The following KLHL5 variants were observed in gnomAD, a reference collection of about 807,000 sequenced individuals.
The protein encoded by KLHL5 is kelch-like protein 5.
Under a neutral mutation model 77.7 loss-of-function variants are expected in KLHL5, and 48 were observed. That is an observed-to-expected ratio of 0.62 (90% CI 0.49 to 0.79). KLHL5 has a LOEUF of 0.79. Ranked by LOEUF, KLHL5 falls within the 30% of genes least tolerant of loss-of-function variation. The pLI, the probability that KLHL5 is intolerant of heterozygous loss-of-function variation, is 0.00. For missense variants in KLHL5, 723 were observed against 859.7 expected (o/e 0.84, Z 1.99); for synonymous variants, 260 against 297.0 (o/e 0.88, Z 1.28).
intron 1 of KLHL5, among the ~76,000 whole-genome samples, chr4:39,073,445 G>T (rs982986366): frequency 2.6e-5 from 4 of 152,134 alleles, no homozygotes; most frequent in Non-Finnish European, 5.9e-5. Flanking sequence ...TGAAGTACAA[G>T]AAATGTGATA....
intron 6 of KLHL5, among the ~76,000 whole-genome samples, chr4:39,101,145 T>TA (rs1454000304): frequency 1.3e-5 from 2 of 148,284 alleles, no homozygotes; most frequent in Non-Finnish European, 3.0e-5. Context: ...TATATATATA[T>TA]ATCTACCTGA....
chr4:39,082,338 C>T (rs1438055554), intron 4 of KLHL5, among the ~76,000 whole-genome samples, 179 bp downstream of exon 4: 3 of 152,158 alleles, frequency 2.0e-5, no homozygotes, highest in Admixed American at 6.6e-5. Flanking sequence ...AGTAATACTT[C>T]TCGTGGGTAT....
chr4:39,131,853 A>G (rs1723812253), downstream of KLHL5, among the ~76,000 whole-genome samples: 1 of 151,344 alleles, frequency 6.6e-6, no homozygotes, highest in African/African-American at 2.4e-5. Context: ...ACACCACTGC[A>G]GTGCAGCCTG....
At chr4:39,109,043 C>A (rs923003506) in intron 8 of KLHL5, among the ~76,000 whole-genome samples, 7 of 152,036 alleles carry the variant, frequency 4.6e-5, no homozygotes, top group African/African-American at 1.7e-4. Flanking sequence ...CAGAGACAAC[C>A]TAATTAATCA....
At chr4:39,077,177 G>A (rs1719137988) in intron 2 of KLHL5, among the ~76,000 whole-genome samples, 1 of 151,982 alleles carries the variant, frequency 6.6e-6, no homozygotes, top group Non-Finnish European at 1.5e-5. Context: ...AAACATATTT[G>A]GCCGGGCGCG....
intron 1 of KLHL5, chr4:39,063,550 C>T (rs1560408798): frequency 2.3e-6 from 1 of 440,564 alleles, no homozygotes; most frequent in Non-Finnish European, 4.6e-6. Flanking sequence ...GGTTATTTCT[C>T]TTTGTCCTGT....
At chr4:39,114,145 T>G (rs1722662919) in intron 9 of KLHL5, among the ~76,000 whole-genome samples, 1 of 152,178 alleles carries the variant, frequency 6.6e-6, no homozygotes, top group South Asian at 2.1e-4. Context: ...TAACAGAATA[T>G]CCAGGACTGA....
the KLHL5 span, among the ~76,000 whole-genome samples, chr4:39,140,119 TG>T: frequency 8.8e-3 from 1,334 of 151,176 alleles, 16 homozygotes; most frequent in African/African-American, 0.03. Flanking sequence ...CCCAGCTACT[TG>T]GGGGGGGCTG....
intron 5 of KLHL5, among the ~76,000 whole-genome samples, chr4:39,091,297 A>T (rs1269070195): frequency 1.3e-5 from 2 of 151,708 alleles, no homozygotes; most frequent in East Asian, 3.9e-4. Context: ...CCGGTTTTTT[A>T]AATTTTTTTG....
intron 6 of KLHL5, among the ~76,000 whole-genome samples, chr4:39,099,015 G>A (rs953302636): frequency 4.6e-5 from 7 of 152,264 alleles, no homozygotes; most frequent in African/African-American, 1.7e-4. Context: ...AATAGGCCAG[G>A]ATTATGCCTG....
At chr4:39,086,750 T>C in intron 5 of KLHL5, 23 bp downstream of exon 5, 1 of 1,557,074 alleles carries the variant, frequency 6.4e-7, no homozygotes, top group Non-Finnish European at 8.9e-7. Context: ...CACTTGTTTA[T>C]AGGAATTTTT....
chr4:39,140,735 T>C, the KLHL5 span, among the ~76,000 whole-genome samples: 1 of 152,216 alleles, frequency 6.6e-6, no homozygotes. Flanking sequence ...ACATCTGATC[T>C]CAGAATTGCC....
chr4:39,131,887 CAA>C, the KLHL5 span, among the ~76,000 whole-genome samples: 262 of 114,440 alleles, frequency 2.3e-3, 1 homozygote, highest in East Asian at 8.2e-3. Flanking sequence ...GACCCTGTCT[CAA>C]AAAAAAAAAA....
intron 1 of KLHL5, among the ~76,000 whole-genome samples, chr4:39,074,325 C>T (rs2566138): frequency 0.75 from 114,617 of 152,202 alleles, 43,167 homozygotes; most frequent in East Asian, 0.82. Context: ...AGTTAAGGCA[C>T]TGTTAACTTC....
At chr4:39,112,376 A>G (rs555264781) in intron 8 of KLHL5, among the ~76,000 whole-genome samples, 1 of 152,268 alleles carries the variant, frequency 6.6e-6, no homozygotes, top group Non-Finnish European at 1.5e-5. Context: ...CTATATTTTT[A>G]TTCTCCTATT....
chr4:39,077,672 A>C lies in KLHL5; in HGVS notation c.566+1525A>C, dbSNP rs533218492. On this transcript the variant is annotated intron_variant, in intron 2 of 10. Transcript: ENST00000504108. The stretch of plus-strand genomic sequence containing the variant: ...GCAAACACTACAGAAAACAGTGTGG[A>C]TATTCCTTAAAGAACTAAAGGTAAA... Among the ~76,000 whole-genome samples the C allele has an allele frequency of 2.7e-5, 4 of 148,100 alleles. No homozygotes were observed. In the East Asian group the frequency reaches 8.0e-4, roughly 30 times the overall value.
chr4:39,104,302 A>G (rs576907405), intron 7 of KLHL5, among the ~76,000 whole-genome samples: 1 of 152,340 alleles, frequency 6.6e-6, no homozygotes, highest in East Asian at 1.9e-4. Flanking sequence ...AATTTAACAC[A>G]GTAAACTTGT....
intron 4 of KLHL5, among the ~76,000 whole-genome samples, chr4:39,083,079 A>C (rs921698791): frequency 2.4e-4 from 36 of 152,174 alleles, no homozygotes; most frequent in African/African-American, 8.7e-4. Flanking sequence ...AACATTTAAG[A>C]AATGTTATTT....
chr4:39,058,585 C>T (rs951581590), upstream of KLHL5, among the ~76,000 whole-genome samples: 4 of 152,002 alleles, frequency 2.6e-5, no homozygotes, highest in Non-Finnish European at 4.4e-5. Flanking sequence ...CTACTGCACT[C>T]TAGCCTGTGT....
Sources: gnomAD v4.1 joint callset for allele counts (sites outside exome capture counted in the v4.1 genomes callset) on GRCh38, gnomAD v4.1.1 for gene constraint, MANE v1.5 for transcripts, NCBI Gene and HGNC (gene_info 2026-07-23, HGNC 2026-07-21) for gene names.